The following RASSF3 variants were observed in gnomAD, a reference collection of about 807,000 sequenced individuals.
RASSF3 encodes the protein ras association domain-containing protein 3.
A neutral mutation model predicts 19.9 loss-of-function variants in RASSF3; 19 were observed. The observed-to-expected ratio is 0.96, with a 90% CI of 0.67 to 1.40. The LOEUF is 1.40. RASSF3 is among the 40% of genes most tolerant of loss of function. The pLI is 0.00. For missense variants in RASSF3, 306 were observed against 289.8 expected (o/e 1.06, Z -0.41); for synonymous variants, 110 against 104.2 (o/e 1.06, Z -0.34).
At chr12:64,617,157 C>T (rs1231110281) in intron 1 of RASSF3, among the ~76,000 whole-genome samples, 1 of 152,120 alleles carries the variant, frequency 6.6e-6, no homozygotes. Context: ...TCCCCCTTTC[C>T]AAACTAGACC....
chr12:64,518,499 A>G (rs1328226534), intron 1 of RASSF3, among the ~76,000 whole-genome samples: 1 of 152,214 alleles, frequency 6.6e-6, no homozygotes, highest in African/African-American at 2.4e-5. Context: ...CAGATCTCAC[A>G]TGAAGAGTGA....
intron 2 of RASSF3, among the ~76,000 whole-genome samples, chr12:64,560,026 G>A (rs534136767): frequency 6.0e-4 from 91 of 152,318 alleles, no homozygotes; most frequent in African/African-American, 2.1e-3. Context: ...GCATTTTCAT[G>A]GCCACAACCT....
At chr12:64,579,931 C>T (rs1869662970) in intron 2 of RASSF3, among the ~76,000 whole-genome samples, 1 of 151,564 alleles carries the variant, frequency 6.6e-6, no homozygotes, top group African/African-American at 2.4e-5. Context: ...TCTCCTGCCT[C>T]AGCCTCCCTA....
chr12:64,687,202 C>T (rs1194589955), intron 2 of RASSF3, among the ~76,000 whole-genome samples: 1 of 151,948 alleles, frequency 6.6e-6, no homozygotes, highest in African/African-American at 2.4e-5. Context: ...GGATTTCACC[C>T]TGTTGGCCAG....
At chr12:64,590,044 A>G (rs2136140030) in intron 2 of RASSF3, among the ~76,000 whole-genome samples, 1 of 146,716 alleles carries the variant, frequency 6.8e-6, no homozygotes, top group Non-Finnish European at 1.5e-5. Flanking sequence ...CAGCATGAGC[A>G]AAGTGGCAGA....
At chr12:64,618,260 A>G (rs890250193) in intron 1 of RASSF3, among the ~76,000 whole-genome samples, 33 of 152,196 alleles carry the variant, frequency 2.2e-4, no homozygotes, top group African/African-American at 7.5e-4. Flanking sequence ...GGTTTTTCTT[A>G]ATAGTTTAAA....
chr12:64,643,017 A>C (rs1871600654), intron 1 of RASSF3, among the ~76,000 whole-genome samples: 1 of 151,836 alleles, frequency 6.6e-6, no homozygotes, highest in Admixed American at 6.6e-5. Context: ...ATGGCACCAC[A>C]CCTGGCTAAT....
At chr12:64,558,126 T>C (rs758486466) in intron 2 of RASSF3, among the ~76,000 whole-genome samples, 11 of 152,174 alleles carry the variant, frequency 7.2e-5, no homozygotes, top group Admixed American at 2.0e-4. Flanking sequence ...AATAGTGCCA[T>C]ACTGAGGGCC....
At chr12:64,602,505 C>T (rs1020934217) in intron 2 of RASSF3, among the ~76,000 whole-genome samples, 11 of 150,370 alleles carry the variant, frequency 7.3e-5, no homozygotes, top group African/African-American at 2.0e-4. Flanking sequence ...TGCTTGAACC[C>T]GGGAGGCGGA....
At chr12:64,677,929 C>G (rs1283176781) in intron 1 of RASSF3, among the ~76,000 whole-genome samples, 2 of 152,236 alleles carry the variant, frequency 1.3e-5, no homozygotes, top group East Asian at 1.9e-4. Context: ...ACTGCTTGCT[C>G]TGTAGCTCAT....
intron 1 of RASSF3, among the ~76,000 whole-genome samples, chr12:64,684,013 A>AGTGTTTGT (rs1873238235): frequency 7.2e-6 from 1 of 138,400 alleles, no homozygotes; most frequent in African/African-American, 2.7e-5. Context: ...AGAGAGAGTG[A>AGTGTTTGT]GTGTGTGTGT....
intron 1 of RASSF3, among the ~76,000 whole-genome samples, chr12:64,624,283 C>T (rs1870906518): frequency 6.6e-6 from 1 of 151,870 alleles, no homozygotes; most frequent in African/African-American, 2.4e-5. Context: ...GGGCTTAAAA[C>T]TCAGTAATGA....
At chr12:64,642,866 T>C (rs1286182466) in intron 1 of RASSF3, among the ~76,000 whole-genome samples, 3 of 142,206 alleles carry the variant, frequency 2.1e-5, no homozygotes, top group East Asian at 2.0e-4. Context: ...TCTTTCTTTC[T>C]TTTTTTTTTT....
At chr12:64,613,821 G>A (rs1429328386) in intron 1 of RASSF3, among the ~76,000 whole-genome samples, 2 of 151,928 alleles carry the variant, frequency 1.3e-5, no homozygotes, top group East Asian at 1.9e-4. Context: ...GGTGGTGCTC[G>A]CCTGTAGTCC....
At position 64,610,760 on chromosome 12, in the gene RASSF3, G is replaced by A. The variant is rs762781856; in HGVS notation, c.111+17G>A. The A allele has an allele frequency of 3.8e-5, 59 of 1,543,232 alleles. No homozygotes were observed. The highest frequency in any genetic ancestry group is 5.1e-5 in the Non-Finnish European group (58 of 1,134,582). The stretch of plus-strand genomic sequence containing the variant: ...GGCCAACAAGTGAGTGGCGCGCGGC[G>A]GGCGCTGCAGCCCGCGCCCCAGAGT... On this transcript the variant is annotated intron_variant, in intron 1 of 4. Transcript: ENST00000542104.
intron 1 of RASSF3, among the ~76,000 whole-genome samples, chr12:64,617,976 T>C (rs1205935022): frequency 6.6e-6 from 1 of 152,208 alleles, no homozygotes; most frequent in Non-Finnish European, 1.5e-5. Context: ...AACGTAATCA[T>C]CTTCAAGGTT....
At chr12:64,536,609 A>G (rs879578562) in intron 1 of RASSF3, among the ~76,000 whole-genome samples, 1 of 151,974 alleles carries the variant, frequency 6.6e-6, no homozygotes, top group Non-Finnish European at 1.5e-5. Flanking sequence ...CTTAAAAAAA[A>G]TGGTGCATAG....
intron 1 of RASSF3, among the ~76,000 whole-genome samples, chr12:64,637,805 C>T (rs902658951): frequency 2.7e-5 from 4 of 150,492 alleles, no homozygotes; most frequent in African/African-American, 7.3e-5. Context: ...TAGGATGTTG[C>T]TTTGTGCCCT....
intron 2 of RASSF3, among the ~76,000 whole-genome samples, chr12:64,571,114 G>A (rs182275367): frequency 7.4e-4 from 112 of 152,230 alleles, no homozygotes; most frequent in African/African-American, 2.5e-3. Flanking sequence ...CTACTTGGGA[G>A]GCTGAGGCAG....
Sources: allele counts gnomAD v4.1 joint callset (sites outside exome capture counted in the v4.1 genomes callset), GRCh38; gene constraint gnomAD v4.1.1; transcripts MANE v1.5; gene names NCBI Gene and HGNC (gene_info 2026-07-23, HGNC 2026-07-21).